Variants in F5 observed in about 807,000 individuals in gnomAD.
F5 encodes coagulation factor V, also known as activated protein c cofactor.
In F5, 138 loss-of-function variants were observed where a neutral mutation model predicts 216.4. That is an observed-to-expected ratio of 0.64 (90% CI 0.56 to 0.73). The LOEUF (loss-of-function observed/expected upper bound fraction) is 0.73. Among genes scored for constraint, F5 ranks in the 30% least tolerant of loss-of-function variants. The probability of loss-of-function intolerance (pLI) is 0.00; values close to 1 mark genes in which losing one functional copy is unlikely to be tolerated. For synonymous variants in F5, 916 were observed against 930.7 expected, an observed-to-expected ratio of 0.98 and a Z score of 0.29; for missense variants, 2,403 against 2,674.0, an observed-to-expected ratio of 0.90 and a Z score of 2.24.
intron 5 of F5, among the ~76,000 whole-genome samples, chr1:169,557,860 ATATCTG>A (rs1557924830): frequency 1.8e-4 from 28 of 152,262 alleles, no homozygotes; most frequent in African/African-American, 6.3e-4. Flanking sequence ...AGCAATTAAC[ATATCTG>A]TGTTAGCATT....
chr1:169,540,301 C>T lies in F5; in HGVS notation c.4789G>A (p.Val1597Ile), dbSNP rs988228091. ...GGAGAAAACTGGCCAAACCTTTGTA[C>T]AAATTCTGAATAATCCCAGGATATT... ...EEISWDYSEF[V>I]QRETDIEDSD... Residue 1597 changes from valine to isoleucine, a missense_variant, in exon 13 of 25, where the codon GTA becomes ATA. Coordinates refer to ENST00000367797, the MANE Select transcript of F5 (RefSeq NM_000130.5). 1.2e-6 allele frequency: 2 copies of T among 1,613,666 alleles called. No homozygotes were observed. The highest frequency in any genetic ancestry group is 1.7e-6 in the Non-Finnish European group (2 of 1,179,808).
rs1301490749 is a variant in F5, at chr1:169,544,278, G to A, written c.1975+18C>T. On this transcript the variant is annotated intron_variant, in intron 12 of 24. Coordinates refer to ENST00000367797, the MANE Select transcript of F5 (RefSeq NM_000130.5). ...TTCAAAGCAAGCTTCCTCTGTGAGTGTCCAGACTCTTACTCACCAACATTA... is the reference window on the plus strand; with the variant it reads ...TTCAAAGCAAGCTTCCTCTGTGAGTATCCAGACTCTTACTCACCAACATTA... 1 of 1,606,670 alleles carries A rather than the reference G, an allele frequency of 6.2e-7. No homozygotes were observed. The highest frequency in any genetic ancestry group is 8.5e-7 in the Non-Finnish European group (1 of 1,173,628).
Position 169,580,886 on chromosome 1 carries a change from T to C in F5, c.250+1545A>G, listed in dbSNP as rs561499361. On this transcript the variant is annotated intron_variant, in intron 2 of 24. Coordinates refer to ENST00000367797, the MANE Select transcript of F5 (RefSeq NM_000130.5). ...GTAGCTAACTTCTACTGAGTGCCTATTATGTGTCAGCATCATTATAAATAC... is the reference window on the plus strand; with the variant it reads ...GTAGCTAACTTCTACTGAGTGCCTACTATGTGTCAGCATCATTATAAATAC... Among the ~76,000 whole-genome samples, 8 of 152,262 alleles carry C rather than the reference T, an allele frequency of 5.3e-5. No individual in the cohort carries two copies. In the East Asian group the frequency reaches 1.5e-3, roughly 29 times the overall value.
At chr1:169,526,955 C>G (rs1475896738) in intron 17 of F5, among the ~76,000 whole-genome samples, 1 of 151,618 alleles carries the variant, frequency 6.6e-6, no homozygotes, top group Non-Finnish European at 1.5e-5. Context: ...TGTGAAAAAC[C>G]AATAAGAACC....
intron 15 of F5, 75 bp from the exon 16 acceptor site, chr1:169,529,893 A>G: frequency 2.4e-6 from 3 of 1,261,670 alleles, no homozygotes; most frequent in Non-Finnish European, 3.5e-6. Context: ...CTCATCATAT[A>G]GAAAAGGAAA....
rs891607775 is a variant in F5, at chr1:169,546,604, A to T, written c.1612-12T>A. The T allele has an allele frequency of 1.9e-6, 3 of 1,613,436 alleles. No individual in the cohort carries two copies. The highest frequency in any genetic ancestry group is 2.5e-6 in the Non-Finnish European group (3 of 1,179,400). ...ATGTCTGCTGCCCTCTGGAGGACAA[A>T]ACAGTATAGTACTGGTACAAGAACA... On this transcript the variant is annotated splice_polypyrimidine_tract_variant and intron_variant, in intron 10 of 24. Transcript: ENST00000367797.
intron 6 of F5, among the ~76,000 whole-genome samples, 196 bp from the exon 7 acceptor site, chr1:169,555,543 G>A (rs528665390): frequency 6.6e-6 from 1 of 150,762 alleles, no homozygotes; most frequent in Admixed American, 6.6e-5. Flanking sequence ...TTTTAAAAGG[G>A]GGAAAAGGAG....
At chr1:169,539,209 TGA>T (rs1659773808) in intron 13 of F5, among the ~76,000 whole-genome samples, 1 of 152,156 alleles carries the variant, frequency 6.6e-6, no homozygotes, top group African/African-American at 2.4e-5. Flanking sequence ...CTATATACTG[TGA>T]GTCATCAACA....
At chr1:169,532,468 C>G (rs1659611918) in intron 14 of F5, among the ~76,000 whole-genome samples, 1 of 152,106 alleles carries the variant, frequency 6.6e-6, no homozygotes, top group Non-Finnish European at 1.5e-5. Context: ...TGAAAAGGCT[C>G]CAGGAACTGA....
chr1:169,530,829 C>T lies in F5; in HGVS notation c.5165G>A (p.Gly1722Asp), dbSNP rs555617221. The change falls in exon 15 of 25, where the codon GGC becomes GAC. Residue 1722 changes from glycine (G) to aspartate (D), a missense_variant. By Grantham distance (94) the Gly-to-Asp change is moderately conservative. This residue lies in a region of F5 where 659 missense variants were observed against 787.9 expected (regional missense o/e 0.84). Transcript: ENST00000367797. ...GTAGGCCCAAGCCCGACAGGCAGAG[C>T]CAGGACTTTCTGGCCCTGATCGCTC... is the stretch of plus-strand genomic sequence containing the variant. Reference protein sequence around the residue: ...ATERSGPESPGSACRAWAYYS... With the variant: ...ATERSGPESPDSACRAWAYYS... The T allele has an allele frequency of 1.9e-6, 3 of 1,613,926 alleles. No individual in the cohort carries two copies. The Admixed American group carries it at 5.0e-5, about 27-fold the overall frequency.
In F5 at chr1:169,582,441, A is replaced by G; in HGVS notation, c.240T>C (p.Ser80=). 1 of 1,524,766 alleles carries G rather than the reference A, an allele frequency of 6.6e-7. No individual in the cohort carries two copies. 94.5% of individuals were successfully genotyped at this position (1,524,766 alleles called of 1,614,324 possible). The change falls in exon 2 of 25, where the codon TCT becomes TCC. Residue 80 remains serine (S), a synonymous_variant. Coordinates refer to ENST00000367797, the MANE Select transcript of F5 (RefSeq NM_000130.5). The part of the protein sequence containing the change: ...EPYFKKEKPQ[S]TISGLLGPTL... ...ATATTTCAGGCTTACCTGAAATGGT[A>G]GATTGTGGTTTTTCTTTCTTAAAAT...
chr1:169,585,689 G>A (rs879326899), intron 1 of F5, among the ~76,000 whole-genome samples: 5 of 152,036 alleles, frequency 3.3e-5, no homozygotes, highest in Admixed American at 2.0e-4. Context: ...AAAGGTGAAA[G>A]TACAAAAACA....
intron 6 of F5, 117 bp downstream of exon 6, chr1:169,556,529 G>T: frequency 1.1e-6 from 1 of 937,198 alleles, no homozygotes; most frequent in Non-Finnish European, 1.7e-6. Flanking sequence ...GTTAGGAACT[G>T]AGGAAAGTTT....
intron 2 of F5, among the ~76,000 whole-genome samples, chr1:169,577,585 A>C (rs1287379527): frequency 1.9e-5 from 2 of 107,670 alleles, no homozygotes; most frequent in Admixed American, 1.8e-4. Flanking sequence ...ATATATATAT[A>C]TATATATATA....
intron 22 of F5, 72 bp downstream of exon 22, chr1:169,520,448 T>G: frequency 6.3e-7 from 1 of 1,587,762 alleles, no homozygotes; most frequent in Middle Eastern, 1.7e-4. Flanking sequence ...AAAATTCTAC[T>G]CATTCTCCTA....
Position 169,523,342 on chromosome 1 carries a change from T to C in F5, c.5903A>G (p.Gln1968Arg), listed in dbSNP as rs1205793665. ...GATCCCTGTGATTATGACTTCCTTT[T>C]GCATGTCCACCTGCAATATAGGAAA... ...ASKPWIQVDM[Q>R]KEVIITGIQT... Residue 1968 changes from glutamine to arginine, a missense_variant, in exon 21 of 25, where the codon CAA (glutamine) becomes CGA (arginine). Physicochemically the swap from Gln to Arg is conservative, Grantham distance 43. Around this residue, in one of 4 missense-constraint regions of F5, gnomAD observed 659 missense variants for 787.9 expected, o/e 0.84. Transcript: ENST00000367797. 6.2e-7 allele frequency: 1 copy of C among 1,614,022 alleles called. No homozygotes were observed. The highest frequency in any genetic ancestry group is 1.7e-5 in the Admixed American group (1 of 60,008).
chr1:169,565,200 T>A (rs1415284078), intron 3 of F5, among the ~76,000 whole-genome samples: 2 of 152,062 alleles, frequency 1.3e-5, no homozygotes, highest in Non-Finnish European at 2.9e-5. Flanking sequence ...CTTCTACCTT[T>A]ATCTCCAATT....
chr1:169,550,291 C>T, intron 9 of F5, among the ~76,000 whole-genome samples: 1 of 69,122 alleles, frequency 1.4e-5, no homozygotes, highest in Non-Finnish European at 2.9e-5. Context: ...GCCCCCCACC[C>T]CCCCCCCCCG....
At chr1:169,545,306 T>C (rs1659971724) in intron 11 of F5, among the ~76,000 whole-genome samples, 1 of 152,222 alleles carries the variant, frequency 6.6e-6, no homozygotes, top group East Asian at 1.9e-4. Context: ...TACAAGTGGT[T>C]ATCGAGCACT....
Sources: gnomAD v4.1 joint callset for allele counts (sites outside exome capture counted in the v4.1 genomes callset) on GRCh38, gnomAD v4.1.1 for gene constraint, gnomAD v4.1.1 regional missense constraint, MANE v1.5 for transcripts, NCBI Gene and HGNC (gene_info 2026-07-23, HGNC 2026-07-21) for gene names.